The following ARHGAP21 variants were observed in gnomAD, a reference collection of about 807,000 sequenced individuals.
The protein encoded by ARHGAP21 is Rho GTPase activating protein 21, also known as rho GTPase-activating protein 21.
ARHGAP21 carries 38 observed loss-of-function variants against 164.6 expected under a neutral mutation model. The observed-to-expected ratio is 0.23, with a 90% CI of 0.18 to 0.30. The LOEUF (loss-of-function observed/expected upper bound fraction) is 0.30. Among genes scored for constraint, ARHGAP21 ranks in the 10% least tolerant of loss-of-function variants. ARHGAP21 has a pLI of 1.00. For missense variants in ARHGAP21, 1,822 were observed against 2,370.7 expected (o/e 0.77, Z 4.81); for synonymous variants, 766 against 857.9 (o/e 0.89, Z 1.87).
At chr10:24,711,091 C>A in intron 2 of ARHGAP21, among the ~76,000 whole-genome samples, 1 of 27,300 alleles carries the variant, frequency 3.7e-5, no homozygotes. Context: ...AAGACTCCAT[C>A]TCAAAAAAAA....
chr10:24,660,154 T>TA (rs1250399128), intron 4 of ARHGAP21, among the ~76,000 whole-genome samples: 2 of 152,032 alleles, frequency 1.3e-5, no homozygotes, highest in African/African-American at 2.4e-5. Context: ...TAAAAGTTCA[T>TA]AAAAAACATA....
At chr10:24,674,864 T>C (rs1841062090) in intron 2 of ARHGAP21, among the ~76,000 whole-genome samples, 1 of 152,116 alleles carries the variant, frequency 6.6e-6, no homozygotes, top group Non-Finnish European at 1.5e-5. Flanking sequence ...AATTCAATAA[T>C]GGAAATGCAA....
chr10:24,627,318 T>C (rs554290869), intron 7 of ARHGAP21, among the ~76,000 whole-genome samples: 2 of 152,342 alleles, frequency 1.3e-5, no homozygotes, highest in East Asian at 1.9e-4. Flanking sequence ...TTTAAAAGCA[T>C]ATATTTTGAA....
Position 24,583,932 on chromosome 10 carries a change from G to A in ARHGAP21, c.*480C>T, listed in dbSNP as rs1374287318. ...ATCCACCTGGAATGACTAAAGAATG[G>A]AAGTTCTGTATCCACCTGTGTTAAA... On this transcript the variant is annotated 3_prime_UTR_variant, in exon 26 of 26. Coordinates refer to ENST00000396432, the MANE Select transcript of ARHGAP21 (RefSeq NM_020824.4). The A allele has an allele frequency of 6.6e-6, 1 of 152,614 alleles. No homozygotes were observed. The allele number at this position is 152,614 out of a possible 1,614,324, so 9.5% of individuals were successfully genotyped here.
Position 24,595,138 on chromosome 10 carries a change from A to G in ARHGAP21, c.3765T>C (p.Arg1255=). ...CTACTAGTCTTTTTAATGTTTTCAG[A>G]CGATCTAGAGGATCTTCTTTACGAT... The part of the protein sequence containing the change: ...EANRKEDPLD[R]LKTLKRLIHD... Residue 1255 remains arginine, a synonymous_variant, in exon 20 of 26, where the codon CGT becomes CGC. Coordinates refer to ENST00000396432, the MANE Select transcript of ARHGAP21 (RefSeq NM_020824.4). 6.2e-7 allele frequency: 1 copy of G among 1,611,078 alleles called. No homozygotes were observed. Among genetic ancestry groups the G allele is most frequent in the East Asian group, 2.3e-5 (1 of 43,752 alleles).
intron 4 of ARHGAP21, among the ~76,000 whole-genome samples, chr10:24,635,461 G>A (rs1444351876): frequency 6.6e-6 from 1 of 152,158 alleles, no homozygotes; most frequent in Admixed American, 6.5e-5. Context: ...ATTAAATAAA[G>A]TCTCCAAGGT....
intron 2 of ARHGAP21, among the ~76,000 whole-genome samples, chr10:24,686,255 CCT>C (rs796248390): frequency 2.3e-4 from 35 of 152,036 alleles, no homozygotes; most frequent in African/African-American, 8.0e-4. Flanking sequence ...ATGATGAGGC[CCT>C]GTCTCTACAA....
At chr10:24,680,394 A>G (rs1306810686) in intron 2 of ARHGAP21, among the ~76,000 whole-genome samples, 1 of 152,194 alleles carries the variant, frequency 6.6e-6, no homozygotes, top group African/African-American at 2.4e-5. Context: ...TCCCAAATAT[A>G]TCCAAGTTTT....
Position 24,585,675 on chromosome 10 carries a change from G to A in ARHGAP21, c.4614C>T (p.His1538=). 6.2e-7 allele frequency: 1 copy of A among 1,614,174 alleles called. No individual in the cohort carries two copies. The highest frequency in any genetic ancestry group is 1.7e-5 in the Admixed American group (1 of 60,016). ...PRSLLAQKSS[H]LEETGSDSGT... Reference sequence around the variant, plus strand: ...CAGAGTCAGAGCCTGTCTCTTCAAGGTGGGAGGACTTCTGTGCCAGAAGTG... The same window carrying A: ...CAGAGTCAGAGCCTGTCTCTTCAAGATGGGAGGACTTCTGTGCCAGAAGTG... Residue 1538 remains histidine (H), a synonymous_variant, in exon 26 of 26, where the codon CAC becomes CAT. Transcript: ENST00000396432.
chr10:24,652,466 G>C (rs1330617353), intron 4 of ARHGAP21, among the ~76,000 whole-genome samples: 1 of 152,026 alleles, frequency 6.6e-6, no homozygotes, highest in Non-Finnish European at 1.5e-5. Context: ...AACCACAAAA[G>C]GAAAGACTGA....
chr10:24,720,428 AAGG>A (rs1481466924), intron 2 of ARHGAP21, among the ~76,000 whole-genome samples: 1 of 152,206 alleles, frequency 6.6e-6, no homozygotes, highest in African/African-American at 2.4e-5. Flanking sequence ...GGCCTTCCAA[AAGG>A]AGTTATTATG....
At chr10:24,625,299 G>GCAAAAAAAAAAAAAAAAAAAAA (rs768183583) in intron 7 of ARHGAP21, among the ~76,000 whole-genome samples, 4 of 53,800 alleles carry the variant, frequency 7.4e-5, no homozygotes, top group Non-Finnish European at 1.0e-4. Flanking sequence ...ATGAAACAGA[G>GCAAAAAAAAAAAAAAAAAAAAA]AAAAAAAAAA....
chr10:24,658,899 C>T (rs564045237), intron 4 of ARHGAP21, among the ~76,000 whole-genome samples: 7 of 152,262 alleles, frequency 4.6e-5, no homozygotes, highest in Non-Finnish European at 8.8e-5. Context: ...AATTTCTCCA[C>T]ACAACATACA....
chr10:24,597,005 C>A, intron 16 of ARHGAP21, 123 bp from the exon 17 acceptor site: 1 of 1,049,896 alleles, frequency 9.5e-7, no homozygotes, highest in Non-Finnish European at 1.3e-6. Flanking sequence ...AATAATACAT[C>A]CTATATTTAA....
intron 2 of ARHGAP21, among the ~76,000 whole-genome samples, chr10:24,705,661 C>G (rs1844156321): frequency 6.6e-6 from 1 of 152,192 alleles, no homozygotes; most frequent in South Asian, 2.1e-4. Context: ...CTTTCAATTA[C>G]ATTTTCAACT....
intron 4 of ARHGAP21, among the ~76,000 whole-genome samples, chr10:24,655,632 C>A (rs1218454117): frequency 1.4e-5 from 2 of 148,134 alleles, no homozygotes; most frequent in African/African-American, 2.5e-5. Flanking sequence ...TGCCCGGCCG[C>A]CACCCCGTCT....
chr10:24,597,143 C>T (rs982396968), intron 16 of ARHGAP21, among the ~76,000 whole-genome samples: 11 of 150,120 alleles, frequency 7.3e-5, no homozygotes, highest in African/African-American at 2.7e-4. Flanking sequence ...GAGACTTCAA[C>T]AAAGGGAAAA....
rs117189723 is a variant in ARHGAP21, at chr10:24,690,609, A to T, written c.64-20212T>A. ...TTTGGGAGGCCAAGACAGGCACATCACCTGAGGTGGCGAGTTCGAGACCAT... is the reference window on the plus strand; with the variant it reads ...TTTGGGAGGCCAAGACAGGCACATCTCCTGAGGTGGCGAGTTCGAGACCAT... On this transcript the variant is annotated intron_variant, in intron 2 of 25. Transcript: ENST00000396432. 9.8e-3 allele frequency among the ~76,000 whole-genome samples: 1,498 copies of T among 152,202 alleles called. 21 individuals carry two copies. Among genetic ancestry groups the T allele is most frequent in the Non-Finnish European group, 0.016 (1,067 of 68,022 alleles).
chr10:24,615,766 A>AT (rs1191621142), intron 9 of ARHGAP21, among the ~76,000 whole-genome samples: 2 of 117,732 alleles, frequency 1.7e-5, no homozygotes, highest in Non-Finnish European at 4.0e-5. Flanking sequence ...AGTTTTTGTT[A>AT]TTTTATTATT....
Sources: gnomAD v4.1 joint callset for allele counts (sites outside exome capture counted in the v4.1 genomes callset) on GRCh38, gnomAD v4.1.1 for gene constraint, MANE v1.5 for transcripts, NCBI Gene and HGNC (gene_info 2026-07-23, HGNC 2026-07-21) for gene names.